ACBD6: variants seen among roughly 807,000 people sequenced by gnomAD.
ACBD6 encodes acyl-CoA-binding domain-containing protein 6.
Under a neutral mutation model 37.2 loss-of-function variants are expected in ACBD6, and 28 were observed. The ratio of observed to expected loss-of-function variants is 0.75; its 90% confidence interval spans 0.56 to 1.03. ACBD6 has a LOEUF of 1.03. ACBD6 is among the 50% of genes least tolerant of loss of function. The probability of loss-of-function intolerance (pLI) is 0.00; values close to 1 mark genes in which losing one functional copy is unlikely to be tolerated. For missense variants in ACBD6, 340 were observed against 337.4 expected (o/e 1.01, Z -0.06); for synonymous variants, 113 against 126.8 (o/e 0.89, Z 0.73).
chr1:180,461,889 G>A (rs1273308018), intron 3 of ACBD6, among the ~76,000 whole-genome samples: 1 of 152,008 alleles, frequency 6.6e-6, no homozygotes, highest in Non-Finnish European at 1.5e-5. Context: ...AAATAACCAG[G>A]TAGCATCATG....
chr1:180,380,605 T>G (rs1003614545), intron 6 of ACBD6, among the ~76,000 whole-genome samples: 6 of 120,100 alleles, frequency 5.0e-5, no homozygotes, highest in African/African-American at 1.5e-4. Flanking sequence ...TGTATAGGTT[T>G]TTAAAAGTTA....
At chr1:180,497,748 T>A (rs1050235479) in intron 1 of ACBD6, among the ~76,000 whole-genome samples, 1 of 152,234 alleles carries the variant, frequency 6.6e-6, no homozygotes, top group Non-Finnish European at 1.5e-5. Flanking sequence ...TAGAAGCCAG[T>A]TGCATTTGCA....
At position 180,502,338 on chromosome 1, in the gene ACBD6, G is replaced by T; in HGVS notation, c.-72C>A. 6.5e-7 allele frequency: 1 copy of T among 1,540,434 alleles called. No individual in the cohort carries two copies. The highest frequency in any genetic ancestry group is 1.2e-5 in the South Asian group (1 of 86,862). ...GATTGGGTGTAAGGCCGGCTTGGAG[G>T]CCTGGCCCACCAGTCTGGGTCGCGA... On this transcript the variant is annotated 5_prime_UTR_variant, in exon 1 of 8. Coordinates refer to ENST00000367595, the MANE Select transcript of ACBD6 (RefSeq NM_032360.4).
At chr1:180,488,103 TTGTGTG>T (rs59324454) in intron 3 of ACBD6, among the ~76,000 whole-genome samples, 1 of 150,766 alleles carries the variant, frequency 6.6e-6, no homozygotes, top group Admixed American at 6.6e-5. Flanking sequence ...TGTGTGTGTG[TTGTGTG>T]TGTGTGTGTG....
chr1:180,301,792 G>T (rs1650140250), intron 7 of ACBD6, among the ~76,000 whole-genome samples: 1 of 152,106 alleles, frequency 6.6e-6, no homozygotes, highest in Non-Finnish European at 1.5e-5. Flanking sequence ...AACTGCTCAT[G>T]TAGAGATGAC....
chr1:180,334,941 C>A (rs1021864852), intron 6 of ACBD6, among the ~76,000 whole-genome samples: 1 of 151,796 alleles, frequency 6.6e-6, no homozygotes, highest in African/African-American at 2.4e-5. Context: ...TGAAATGAAG[C>A]GAGAAGAGAA....
At chr1:180,284,187 A>AT (rs1360405170), downstream of ACBD6, among the ~76,000 whole-genome samples, 1 of 152,208 alleles carries the variant, frequency 6.6e-6, no homozygotes, top group African/African-American at 2.4e-5. Flanking sequence ...GCTGACAAGC[A>AT]TAAGAAGGAA....
intron 7 of ACBD6, among the ~76,000 whole-genome samples, chr1:180,309,199 C>T (rs1650496866): frequency 6.6e-6 from 1 of 152,162 alleles, no homozygotes; most frequent in Non-Finnish European, 1.5e-5. Context: ...ATACACCGTG[C>T]TACACCTTAA....
exon 14 of ACBD6, chr1:180,270,769 C>A (rs1648597692): frequency 1.3e-5 from 2 of 158,374 alleles, no homozygotes; most frequent in African/African-American, 4.8e-5. Context: ...CCATTCTCTT[C>A]ATCTGATTTC....
intron 6 of ACBD6, among the ~76,000 whole-genome samples, chr1:180,368,243 G>A (rs1027111710): frequency 4.6e-5 from 7 of 151,394 alleles, no homozygotes; most frequent in African/African-American, 1.5e-4. Context: ...GTTCTCTCTT[G>A]TAAATTTAAG....
intron 3 of ACBD6, among the ~76,000 whole-genome samples, chr1:180,483,052 A>G (rs1651115758): frequency 6.6e-6 from 1 of 152,092 alleles, no homozygotes; most frequent in Non-Finnish European, 1.5e-5. Context: ...AAAAGCCACA[A>G]TCCTTATTAC....
At chr1:180,434,275 A>T (rs897198241) in intron 3 of ACBD6, among the ~76,000 whole-genome samples, 1 of 152,234 alleles carries the variant, frequency 6.6e-6, no homozygotes, top group African/African-American at 2.4e-5. Flanking sequence ...ACCTGACTCT[A>T]GTATAGCATC....
chr1:180,280,614 C>G (rs557349081), intron 9 of ACBD6, among the ~76,000 whole-genome samples: 72 of 152,298 alleles, frequency 4.7e-4, no homozygotes, highest in Admixed American at 8.5e-4. Context: ...AGAGTCATGA[C>G]CCTTTGCCAA....
intron 9 of ACBD6, chr1:180,277,173 T>C (rs981494145): frequency 3.3e-5 from 5 of 152,196 alleles, no homozygotes; most frequent in African/African-American, 1.2e-4. Context: ...AGATTTTAAA[T>C]GGATCTCCCT....
chr1:180,309,286 G>C (rs904654205), intron 7 of ACBD6, among the ~76,000 whole-genome samples: 1 of 152,194 alleles, frequency 6.6e-6, no homozygotes, highest in East Asian at 1.9e-4. Flanking sequence ...TTTGAATCCA[G>C]TCAGAAATGC....
intron 3 of ACBD6, among the ~76,000 whole-genome samples, chr1:180,452,362 C>T (rs1327604810): frequency 4.6e-5 from 7 of 151,858 alleles, no homozygotes; most frequent in South Asian, 2.1e-4. Context: ...CCCAGCTACT[C>T]GGGAGGCTGA....
At chr1:180,316,393 A>G (rs575187885) in intron 6 of ACBD6, among the ~76,000 whole-genome samples, 1 of 152,138 alleles carries the variant, frequency 6.6e-6, no homozygotes, top group African/African-American at 2.4e-5. Context: ...ATTCACATTT[A>G]TAGTTTAAAT....
chr1:180,417,092 C>T (rs1214158638), intron 4 of ACBD6, among the ~76,000 whole-genome samples: 2 of 152,160 alleles, frequency 1.3e-5, no homozygotes, highest in Admixed American at 1.3e-4. Context: ...AAACAAATGC[C>T]ATAATTCCTC....
At chr1:180,368,727 T>C (rs1653145839) in intron 6 of ACBD6, among the ~76,000 whole-genome samples, 1 of 150,984 alleles carries the variant, frequency 6.6e-6, no homozygotes, top group African/African-American at 2.4e-5. Context: ...CATATATATA[T>C]ATATATGTTT....
Sources: gnomAD v4.1 joint callset for allele counts (sites outside exome capture counted in the v4.1 genomes callset) on GRCh38, gnomAD v4.1.1 for gene constraint, MANE v1.5 for transcripts, NCBI Gene and HGNC (gene_info 2026-07-23, HGNC 2026-07-21) for gene names.